The following SLC12A9 variants were observed in gnomAD, a reference collection of about 807,000 sequenced individuals.
SLC12A9 encodes the protein solute carrier family 12 member 9.
SLC12A9 carries 55 observed loss-of-function variants against 66.0 expected under a neutral mutation model. The ratio of observed to expected loss-of-function variants is 0.83; its 90% CI spans 0.67 to 1.04. The LOEUF is 1.04. Ranked by LOEUF, SLC12A9 falls within the 50% of genes least tolerant of loss-of-function variation. SLC12A9 has a pLI of 0.00. For synonymous variants in SLC12A9, 577 were observed against 569.0 expected (o/e 1.01, Z -0.20); for missense variants, 1,061 against 1,241.9 (o/e 0.85, Z 2.19).
intron 5 of SLC12A9, 174 bp from the exon 6 acceptor site, chr7:100,858,661 A>G: frequency 1.7e-6 from 1 of 597,628 alleles, no homozygotes; most frequent in Non-Finnish European, 3.0e-6. Context: ...CACTGGGGGG[A>G]CGTGGCAATG....
upstream of SLC12A9, among the ~76,000 whole-genome samples, chr7:100,850,958 T>C (rs757828250): frequency 6.6e-6 from 1 of 152,014 alleles, no homozygotes; most frequent in Non-Finnish European, 1.5e-5. Context: ...GACCTCGTGA[T>C]CCACCCACCT....
intron 1 of SLC12A9, among the ~76,000 whole-genome samples, chr7:100,830,453 C>T (rs1452989478): frequency 6.6e-6 from 1 of 151,978 alleles, no homozygotes; most frequent in Non-Finnish European, 1.5e-5. Flanking sequence ...ATGAGAGGAT[C>T]GTTTCAGTCC....
In SLC12A9 at chr7:100,861,130, T is replaced by C. The variant is rs369110546; in HGVS notation, c.1219-8T>C. The stretch of plus-strand genomic sequence containing the variant: ...GGAACAACGGCACGCCTCTTGGCCC[T>C]TGCCCAGCTGGTGCTCCTGGCTGGG... On this transcript the variant is annotated splice_polypyrimidine_tract_variant and splice_region_variant and intron_variant, in intron 9 of 13. Transcript: ENST00000354161. The surrounding 1 kb of genome is among the most constrained non-coding windows in gnomAD (Gnocchi z 5.3). 1.0e-4 allele frequency: 164 copies of C among 1,614,178 alleles called. 1 individual carries two copies. In the African/African-American group the frequency reaches 2.0e-3, roughly 20 times the overall value.
chr7:100,844,498 A>G (rs57969015), intron 1 of SLC12A9, among the ~76,000 whole-genome samples: 7,144 of 152,278 alleles, frequency 0.047, 572 homozygotes, highest in African/African-American at 0.16. Context: ...AATAAGGTGT[A>G]GTTCTCTTAA....
intron 1 of SLC12A9, among the ~76,000 whole-genome samples, chr7:100,847,028 C>T (rs1813933501): frequency 6.6e-6 from 1 of 152,126 alleles, no homozygotes; most frequent in Non-Finnish European, 1.5e-5. Context: ...CTCTTGCGCG[C>T]CCCCTGAGAG....
chr7:100,840,041 T>C (rs1280927745), intron 1 of SLC12A9, among the ~76,000 whole-genome samples: 1 of 152,196 alleles, frequency 6.6e-6, no homozygotes, highest in Non-Finnish European at 1.5e-5. Context: ...CTTTAGTTTT[T>C]GTTTTTGACT....
chr7:100,866,561 C>G lies in SLC12A9; in HGVS notation c.2701C>G (p.Leu901Val). 1.3e-6 allele frequency: 2 copies of G among 1,588,542 alleles called. No individual in the cohort carries two copies. The highest frequency in any genetic ancestry group is 8.6e-7 in the Non-Finnish European group (1 of 1,168,674). ...TCTAACCCGAGACCTGGGCCCCACGCTGCTGGTTCATGGGGTCACTCCAGT... is the reference window on the plus strand; with the variant it reads ...TCTAACCCGAGACCTGGGCCCCACGGTGCTGGTTCATGGGGTCACTCCAGT... The part of the protein sequence containing the change: ...ETLTRDLGPT[L>V]LVHGVTPVTC... Residue 901 changes from leucine to valine, a missense_variant, in exon 14 of 14, where the codon CTG becomes GTG. Transcript: ENST00000354161. The surrounding 1 kb of genome is among the most constrained non-coding windows in gnomAD (Gnocchi z 7.3).
chr7:100,828,445 A>C (rs1259703822), intron 1 of SLC12A9, among the ~76,000 whole-genome samples: 1 of 148,948 alleles, frequency 6.7e-6, no homozygotes, highest in East Asian at 2.0e-4. Flanking sequence ...AGGCTGAGGC[A>C]GGAGAATTGC....
chr7:100,835,029 G>A (rs1395734356), intron 1 of SLC12A9, among the ~76,000 whole-genome samples: 2 of 152,016 alleles, frequency 1.3e-5, no homozygotes, highest in Non-Finnish European at 1.5e-5. Context: ...GTGAGACCCC[G>A]TTTCAACAAA....
chr7:100,852,138 G>C (rs1310905468), upstream of SLC12A9, among the ~76,000 whole-genome samples: 2 of 152,212 alleles, frequency 1.3e-5, no homozygotes, highest in Non-Finnish European at 2.9e-5. Context: ...AACACTGCAG[G>C]GAGGCAAGAA....
chr7:100,857,252 T>C (rs183746745), intron 5 of SLC12A9, 76 bp downstream of exon 5: 246 of 1,476,346 alleles, frequency 1.7e-4, no homozygotes, highest in Non-Finnish European at 2.2e-4. Context: ...GTAAAACCTC[T>C]GGATGAGCAC....
At position 100,854,187 on chromosome 7, in the gene SLC12A9, T is replaced by A. The variant is rs748220446; in HGVS notation, c.-11T>A. The A allele has an allele frequency of 6.4e-7, 1 of 1,552,276 alleles. No homozygotes were observed. The highest frequency in any genetic ancestry group is 1.3e-5 in the South Asian group (1 of 78,018). On this transcript the variant is annotated 5_prime_UTR_variant, in exon 2 of 14. Coordinates refer to ENST00000354161, the MANE Select transcript of SLC12A9 (RefSeq NM_020246.4). ...TAACCCATTTGTGGCTTCCTCTACC[T>A]GTGCTCAGCCATGGCCAGCGAGAGC...
chr7:100,865,834 T>C lies in SLC12A9; in HGVS notation c.1974T>C (p.Ser658=), dbSNP rs150675957. Residue 658 remains serine, a synonymous_variant, in exon 14 of 14, where the codon AGT becomes AGC. Coordinates refer to ENST00000354161, the MANE Select transcript of SLC12A9 (RefSeq NM_020246.4). The stretch of plus-strand genomic sequence containing the variant: ...CTGCAGACAGCACCAGGGAGGGCAG[T>C]TCCCCAGCTCTGAGCACCCTGTTCC... ...SEPADSTREG[S]SPALSTLFPP... 455 of 1,613,792 alleles carry C rather than the reference T, an allele frequency of 2.8e-4. 4 individuals are homozygous for C. The East Asian group carries it at 9.4e-3, about 33-fold the overall frequency.
chr7:100,854,175 G>C lies in SLC12A9; in HGVS notation c.-23G>C. 1 of 1,534,198 alleles carries C rather than the reference G, an allele frequency of 6.5e-7. No homozygotes were observed. The highest frequency in any genetic ancestry group is 8.7e-7 in the Non-Finnish European group (1 of 1,150,772). On this transcript the variant is annotated 5_prime_UTR_variant, in exon 2 of 14. Coordinates refer to ENST00000354161, the MANE Select transcript of SLC12A9 (RefSeq NM_020246.4). ...TTGCAGGTCACCTAACCCATTTGTG[G>C]CTTCCTCTACCTGTGCTCAGCCATG...
intron 1 of SLC12A9, among the ~76,000 whole-genome samples, chr7:100,827,813 C>A (rs144395502): frequency 4.6e-5 from 7 of 152,294 alleles, no homozygotes; most frequent in African/African-American, 2.4e-5. Flanking sequence ...GGCCCAGGGA[C>A]CCCCGGGACA....
chr7:100,829,145 C>T (rs1330883768), intron 1 of SLC12A9, among the ~76,000 whole-genome samples: 1 of 152,060 alleles, frequency 6.6e-6, no homozygotes, highest in South Asian at 2.1e-4. Flanking sequence ...AGGGCACCAA[C>T]CCCGGCTAGT....
chr7:100,828,208 T>C (rs1194446539), intron 1 of SLC12A9, among the ~76,000 whole-genome samples: 1 of 152,042 alleles, frequency 6.6e-6, no homozygotes, highest in Non-Finnish European at 1.5e-5. Flanking sequence ...TAAGCTGCGC[T>C]AGGGAGTAGA....
At chr7:100,860,702 C>T (rs1456072864) in intron 9 of SLC12A9, 1 of 371,136 alleles carries the variant, frequency 2.7e-6, no homozygotes, top group Admixed American at 3.8e-5. Flanking sequence ...TTGCACTTTA[C>T]AGGGCTCACG....
intron 6 of SLC12A9, 47 bp from the exon 7 acceptor site, chr7:100,859,003 G>C (rs773373121): frequency 1.2e-6 from 2 of 1,611,994 alleles, no homozygotes; most frequent in East Asian, 4.5e-5. Context: ...GGGACCCAGG[G>C]GGATGGCTGG....
Sources: allele counts gnomAD v4.1 joint callset (sites outside exome capture counted in the v4.1 genomes callset), GRCh38; gene constraint gnomAD v4.1.1; non-coding constraint Gnocchi (gnomAD v3.1); transcripts MANE v1.5; gene names NCBI Gene and HGNC (gene_info 2026-07-23, HGNC 2026-07-21).